The following KCNN2 variants were observed in gnomAD, a reference collection of about 807,000 sequenced individuals.
The protein encoded by KCNN2 is small conductance calcium-activated potassium channel protein 2.
KCNN2 carries 24 observed loss-of-function variants against 55.5 expected under a neutral mutation model. The observed-to-expected ratio is 0.43, with a 90% confidence interval of 0.31 to 0.61. The LOEUF (loss-of-function observed/expected upper bound fraction) is 0.61. KCNN2 is among the 20% of genes least tolerant of loss of function. The probability of loss-of-function intolerance (pLI) is 0.08; values close to 1 mark genes in which losing one functional copy is unlikely to be tolerated. For missense variants in KCNN2, 754 were observed against 853.6 expected (o/e 0.88, Z 1.45); for synonymous variants, 431 against 336.1 (o/e 1.28, Z -3.09).
chr5:114,348,103 C>G (rs1474399206), intron 2 of KCNN2, among the ~76,000 whole-genome samples: 2 of 152,148 alleles, frequency 1.3e-5, no homozygotes, highest in African/African-American at 4.8e-5. Context: ...GTTGAGTGCA[C>G]TTTTGCTGCC....
chr5:114,291,339 C>T lies in KCNN2; in HGVS notation c.-184-69606C>T, dbSNP rs530980051. Among the ~76,000 whole-genome samples the T allele has an allele frequency of 3.5e-3, 530 of 152,194 alleles. 4 individuals are homozygous for T. Among genetic ancestry groups the T allele is most frequent in the African/African-American group, 0.012 (490 of 41,508 alleles). On this transcript the variant is annotated intron_variant, in intron 2 of 10. Coordinates refer to the KCNN2 transcript ENST00000512097. ...TATCTCCTAATGCTATCCCTCCCCC[C>T]TCTCCTCACCCCACAACAGTCCCTG...
At chr5:114,187,786 A>G (rs1039608233) in intron 1 of KCNN2, among the ~76,000 whole-genome samples, 11 of 149,216 alleles carry the variant, frequency 7.4e-5, no homozygotes, top group African/African-American at 2.5e-4. Context: ...GTTGACAGGC[A>G]TGAGCCACCA....
intron 5 of KCNN2, among the ~76,000 whole-genome samples, chr5:114,483,713 C>CTGTT: frequency 6.7e-6 from 1 of 148,342 alleles, no homozygotes; most frequent in East Asian, 2.0e-4. Flanking sequence ...TATTTTTCAA[C>CTGTT]TGTGTGTGTG....
intron 1 of KCNN2, among the ~76,000 whole-genome samples, chr5:114,064,975 C>G (rs1318794968): frequency 6.6e-6 from 1 of 152,040 alleles, no homozygotes; most frequent in Non-Finnish European, 1.5e-5. Flanking sequence ...CTGTTCAACC[C>G]CAGAGAATCA....
intron 2 of KCNN2, among the ~76,000 whole-genome samples, chr5:114,270,947 G>C (rs549389913): frequency 9.0e-4 from 137 of 152,246 alleles, no homozygotes; most frequent in South Asian, 3.7e-3. Flanking sequence ...GAGTGTTACA[G>C]CTCATAAAGG....
At chr5:114,206,119 A>G (rs997034661) in intron 1 of KCNN2, among the ~76,000 whole-genome samples, 2 of 152,070 alleles carry the variant, frequency 1.3e-5, no homozygotes, top group Admixed American at 6.6e-5. Context: ...TTTGGTTGTT[A>G]GTTTTTATTT....
chr5:114,431,129 C>T (rs541478122), intron 3 of KCNN2, among the ~76,000 whole-genome samples: 3 of 152,108 alleles, frequency 2.0e-5, no homozygotes, highest in Non-Finnish European at 2.9e-5. Flanking sequence ...CCCCCCATCC[C>T]GGCTTCTGTC....
At chr5:114,312,432 CACATATATATATATATATATATAT>C (rs1205352733) in intron 2 of KCNN2, among the ~76,000 whole-genome samples, 22 of 19,292 alleles carry the variant, frequency 1.1e-3, no homozygotes, top group African/African-American at 2.8e-3. Flanking sequence ...CACACACACA[CACATATATATATATATATATATAT>C]ATATATATAT....
chr5:114,389,890 G>T (rs1415008948), intron 2 of KCNN2, among the ~76,000 whole-genome samples: 1 of 152,046 alleles, frequency 6.6e-6, no homozygotes, highest in Admixed American at 6.6e-5. Context: ...ATATTGATTT[G>T]CTTCCAACTT....
rs1761423808 is a variant in KCNN2, at chr5:114,465,885, G to C, written c.1779+2695G>C. Among the ~76,000 whole-genome samples, 3 of 152,236 alleles carry C rather than the reference G, an allele frequency of 2.0e-5. No individual in the cohort carries two copies. In the South Asian group the frequency reaches 6.2e-4, roughly 32 times the overall value. On this transcript the variant is annotated intron_variant, in intron 4 of 7. Coordinates refer to ENST00000673685, the MANE Select transcript of KCNN2 (RefSeq NM_021614.4). ...CATATTTGAGATGCTCTGTAGAGTT[G>C]GATTATCTCTTCTTCTAGACTAAGC...
chr5:114,124,700 C>T (rs1751896116), intron 1 of KCNN2, among the ~76,000 whole-genome samples: 2 of 152,262 alleles, frequency 1.3e-5, no homozygotes, highest in Non-Finnish European at 2.9e-5. Context: ...TTGCTGTCTC[C>T]TCTATTCTCA....
intron 2 of KCNN2, among the ~76,000 whole-genome samples, chr5:114,380,181 C>T (rs1263452542): frequency 6.6e-6 from 1 of 152,128 alleles, no homozygotes; most frequent in African/African-American, 2.4e-5. Context: ...AGCCTGGACT[C>T]ATCCCAAGGA....
At chr5:114,119,543 C>T (rs1011567098) in intron 1 of KCNN2, among the ~76,000 whole-genome samples, 4 of 152,110 alleles carry the variant, frequency 2.6e-5, no homozygotes, top group East Asian at 1.9e-4. Context: ...GTGGGCTGCT[C>T]ATATCGCAGG....
At chr5:114,449,582 G>C (rs1760561572) in intron 3 of KCNN2, among the ~76,000 whole-genome samples, 1 of 152,130 alleles carries the variant, frequency 6.6e-6, no homozygotes, top group Admixed American at 6.5e-5. Flanking sequence ...AGGATGCACT[G>C]CTGTGGGTCA....
intron 2 of KCNN2, among the ~76,000 whole-genome samples, chr5:114,367,194 A>G (rs1002076947): frequency 1.3e-5 from 2 of 152,200 alleles, no homozygotes; most frequent in Admixed American, 1.3e-4. Flanking sequence ...TGCTTGTATT[A>G]AAACAGTATG....
rs10664695 is a variant in KCNN2 at position 114,253,145 on chromosome 5, T to TTTTC, written c.-185+31580_-185+31581insTTTC. 7.3e-5 allele frequency among the ~76,000 whole-genome samples: 11 copies of TTTTC among 151,170 alleles called. No individual in the cohort carries two copies. In the South Asian group the frequency reaches 1.9e-3, roughly 26 times the overall value. ...TTTTCTTGCTTTCTTTTTTTTTTTT[T>TTTTC]CCTGCCCTGAGCAAAACCTGGTGAC... On this transcript the variant is annotated intron_variant, in intron 2 of 10. Transcript: ENST00000512097.
At chr5:114,484,208 C>G (rs1762353771) in intron 5 of KCNN2, among the ~76,000 whole-genome samples, 1 of 152,028 alleles carries the variant, frequency 6.6e-6, no homozygotes, top group African/African-American at 2.4e-5. Flanking sequence ...GATATGACCC[C>G]TGAGAGTTTC....
intron 1 of KCNN2, among the ~76,000 whole-genome samples, chr5:114,209,760 T>C (rs1254991936): frequency 6.6e-6 from 1 of 152,154 alleles, no homozygotes; most frequent in East Asian, 1.9e-4. Flanking sequence ...CTCCTAAAAT[T>C]ATAAGATTTC....
intron 2 of KCNN2, among the ~76,000 whole-genome samples, chr5:114,341,335 A>G (rs1024698189): frequency 6.6e-6 from 1 of 152,238 alleles, no homozygotes; most frequent in African/African-American, 2.4e-5. Context: ...TCAGGAGTTC[A>G]GTTCTGGAAG....
Sources: gnomAD v4.1 joint callset for allele counts (sites outside exome capture counted in the v4.1 genomes callset) on GRCh38, gnomAD v4.1.1 for gene constraint, MANE v1.5 for transcripts, NCBI Gene and HGNC (gene_info 2026-07-23, HGNC 2026-07-21) for gene names.